The following CFI variants were observed in gnomAD, a reference collection of about 807,000 sequenced individuals.
CFI encodes the protein C3B/C4B inactivator.
CFI carries 66 observed loss-of-function variants against 78.8 expected under a neutral mutation model. That is an observed-to-expected ratio of 0.84 (90% CI 0.69 to 1.03). The LOEUF (loss-of-function observed/expected upper bound fraction) is 1.03, where lower values mean the gene tolerates loss of function less well. Ranked by LOEUF, CFI falls within the 50% of genes least tolerant of loss-of-function variation. CFI has a pLI of 0.00. For missense variants in CFI, 706 were observed against 704.5 expected (o/e 1.00, Z -0.02); for synonymous variants, 250 against 232.6 (o/e 1.07, Z -0.68).
chr4:109,770,732 A>C lies in CFI; in HGVS notation c.58-3908T>G, dbSNP rs540947453. 3.3e-5 allele frequency among the ~76,000 whole-genome samples: 5 copies of C among 152,160 alleles called. No homozygotes were observed. The South Asian group carries it at 1.0e-3, about 32-fold the overall frequency. ...TAAAGGGCATAAACCATAAGGTCAA[A>C]GAGAGTGGGGAGAGGACTGCAGGAT... On this transcript the variant is annotated intron_variant, in intron 1 of 12. Transcript: ENST00000394634.
At chr4:109,791,983 T>C (rs1731441126) in intron 1 of CFI, among the ~76,000 whole-genome samples, 1 of 152,202 alleles carries the variant, frequency 6.6e-6, no homozygotes, top group Non-Finnish European at 1.5e-5. Flanking sequence ...TCTAATTTTC[T>C]TTCTGTTATT....
intron 2 of CFI, among the ~76,000 whole-genome samples, chr4:109,765,010 C>T (rs548603230): frequency 9.3e-4 from 142 of 152,290 alleles, no homozygotes; most frequent in Admixed American, 2.4e-3. Flanking sequence ...TTGGAACTTG[C>T]TCAGTTGATC....
In CFI at chr4:109,801,965, G is replaced by A; in HGVS notation, c.7C>T (p.Leu3Phe). The A allele has an allele frequency of 6.2e-7, 1 of 1,611,658 alleles. No homozygotes were observed. Among genetic ancestry groups the A allele is most frequent in the Middle Eastern group, 1.7e-4 (1 of 6,052 alleles). ...AGAAATAACAGGAAAACATGAAGAA[G>A]CTTCATGTTGGAGGTGTTCGGGGTC... Reference protein sequence around the residue: MKLLHVFLLFLCF... With the variant: MKFLHVFLLFLCF... Residue 3 changes from leucine (L) to phenylalanine (F), a missense_variant, in exon 1 of 13, where the codon CTT (leucine) becomes TTT (phenylalanine). Coordinates refer to ENST00000394634, the MANE Select transcript of CFI (RefSeq NM_000204.5).
chr4:109,795,739 T>C (rs1731975774), intron 1 of CFI, among the ~76,000 whole-genome samples: 1 of 152,170 alleles, frequency 6.6e-6, no homozygotes, highest in African/African-American at 2.4e-5. Context: ...AGTAGAGAGC[T>C]CATACACCAT....
chr4:109,793,911 T>C (rs1427566675), intron 1 of CFI: 1 of 152,228 alleles, frequency 6.6e-6, no homozygotes, highest in East Asian at 1.9e-4. Flanking sequence ...TCATTTCTCC[T>C]TCATTTGTGA....
intron 1 of CFI, 141 bp from the exon 2 acceptor site, chr4:109,766,965 G>A: frequency 1.3e-6 from 1 of 773,766 alleles, no homozygotes; most frequent in Non-Finnish European, 2.1e-6. Flanking sequence ...TCAAGAATCA[G>A]AAATAATGCC....
At chr4:109,781,678 A>T (rs965851898) in intron 1 of CFI, among the ~76,000 whole-genome samples, 2 of 152,182 alleles carry the variant, frequency 1.3e-5, no homozygotes, top group African/African-American at 4.8e-5. Flanking sequence ...CATCACCCTT[A>T]TACCAAACCC....
chr4:109,739,972 G>A (rs1412519941), downstream of CFI, among the ~76,000 whole-genome samples: 1 of 152,144 alleles, frequency 6.6e-6, no homozygotes, highest in African/African-American at 2.4e-5. Flanking sequence ...GGGGAGCAAA[G>A]GCTAATTTTT....
chr4:109,762,798 A>C (rs1727251488), intron 3 of CFI, among the ~76,000 whole-genome samples: 2 of 152,216 alleles, frequency 1.3e-5, no homozygotes, highest in African/African-American at 4.8e-5. Context: ...AATACTATAT[A>C]AAATGCCATC....
intron 11 of CFI, among the ~76,000 whole-genome samples, chr4:109,744,455 C>T (rs1169418293): frequency 6.6e-6 from 1 of 152,132 alleles, no homozygotes; most frequent in Non-Finnish European, 1.5e-5. Context: ...CCTCTGGTTC[C>T]CAGGTGGTTT....
intron 10 of CFI, among the ~76,000 whole-genome samples, chr4:109,748,624 C>G (rs955420172): frequency 3.3e-5 from 5 of 152,018 alleles, no homozygotes; most frequent in African/African-American, 4.8e-5. Context: ...ATATGAAGGT[C>G]CCTTTGCAGG....
chr4:109,760,128 C>T (rs1726846838), intron 6 of CFI, 142 bp downstream of exon 6: 1 of 712,844 alleles, frequency 1.4e-6, no homozygotes, highest in Non-Finnish European at 2.6e-6. Context: ...GATGAACATT[C>T]CATAGTTCTG....
chr4:109,779,346 C>A (rs1402070715), intron 1 of CFI, among the ~76,000 whole-genome samples: 2 of 151,846 alleles, frequency 1.3e-5, no homozygotes, highest in Admixed American at 6.6e-5. Context: ...AGAACAGACG[C>A]ACAGAGAGCC....
intron 5 of CFI, 39 bp downstream of exon 5, chr4:109,760,484 A>T: frequency 1.3e-6 from 2 of 1,493,842 alleles, no homozygotes; most frequent in Non-Finnish European, 9.3e-7. Context: ...TAGTCAGAAA[A>T]ATGAATTTAG....
chr4:109,786,182 C>T (rs1214491277), intron 1 of CFI, among the ~76,000 whole-genome samples: 2 of 151,980 alleles, frequency 1.3e-5, no homozygotes, highest in Non-Finnish European at 2.9e-5. Context: ...AAGTGCCTGC[C>T]ACCATGCCCG....
chr4:109,737,945 G>A (rs1723463132), downstream of CFI, among the ~76,000 whole-genome samples: 1 of 152,070 alleles, frequency 6.6e-6, no homozygotes, highest in Admixed American at 6.6e-5. Flanking sequence ...GCTTCAGAGG[G>A]CTGACTTTCA....
intron 12 of CFI, chr4:109,741,318 C>T: frequency 1.0e-6 from 1 of 985,434 alleles, no homozygotes; most frequent in Non-Finnish European, 1.2e-6. Flanking sequence ...TTTATTCCCC[C>T]AATTCAGCAT....
intron 1 of CFI, chr4:109,793,771 T>A (rs746308008): frequency 3.3e-5 from 5 of 152,318 alleles, no homozygotes; most frequent in Non-Finnish European, 7.3e-5. Flanking sequence ...GCAGTCCTCC[T>A]GCCTCATTCC....
At chr4:109,753,635 GTATAATTTTATATTATATATTATATAA>G (rs1561294142) in intron 7 of CFI, among the ~76,000 whole-genome samples, 229 of 78,160 alleles carry the variant, frequency 2.9e-3, no homozygotes, top group Non-Finnish European at 4.5e-3. Context: ...ATTATAATAT[GTATAATTTTATATTATATATTATATAA>G]TGTATAATTT....
Sources: gnomAD v4.1 joint callset for allele counts (sites outside exome capture counted in the v4.1 genomes callset) on GRCh38, gnomAD v4.1.1 for gene constraint, MANE v1.5 for transcripts, NCBI Gene and HGNC (gene_info 2026-07-23, HGNC 2026-07-21) for gene names.